OR1J2: variants seen among roughly 807,000 people sequenced by gnomAD.
OR1J2 encodes the protein olfactory receptor 1J2.
For missense variants in OR1J2, 304 were observed against 246.1 expected, an observed-to-expected ratio of 1.24 and a Z score of -1.57; for synonymous variants, 142 against 99.7, an observed-to-expected ratio of 1.42 and a Z score of -2.52.
At chr9:122,470,133 T>C in the OR1J2 span, among the ~76,000 whole-genome samples, 1 of 152,176 alleles carries the variant, frequency 6.6e-6, no homozygotes, top group African/African-American at 2.4e-5. Context: ...GGGAAGTGTC[T>C]CCAGGGCATG....
the OR1J2 span, among the ~76,000 whole-genome samples, chr9:122,529,062 A>G: frequency 6.6e-6 from 1 of 152,242 alleles, no homozygotes; most frequent in African/African-American, 2.4e-5. Flanking sequence ...GTGGATAGCA[A>G]CATCTGAGAA....
chr9:122,497,283 C>G, the OR1J2 span, among the ~76,000 whole-genome samples: 302 of 152,172 alleles, frequency 2.0e-3, 1 homozygote, highest in Non-Finnish European at 3.2e-3. Flanking sequence ...TGAGTCCCCA[C>G]GTGCTTCTCT....
chr9:122,499,392 A>G, the OR1J2 span, among the ~76,000 whole-genome samples: 1 of 152,218 alleles, frequency 6.6e-6, no homozygotes, highest in Non-Finnish European at 1.5e-5. Flanking sequence ...CCCTAAACCA[A>G]TATCTCTGCA....
chr9:122,474,480 C>T, the OR1J2 span, among the ~76,000 whole-genome samples: 1 of 152,162 alleles, frequency 6.6e-6, no homozygotes, highest in Admixed American at 6.5e-5. Flanking sequence ...ACAATTCAAA[C>T]CTGGCTACAG....
chr9:122,519,387 T>C, the OR1J2 span: 3 of 1,614,202 alleles, frequency 1.9e-6, no homozygotes, highest in Admixed American at 3.3e-5. Context: ...AAAGATGTTA[T>C]TAAGCATGCA....
At chr9:122,517,578 G>A in the OR1J2 span, among the ~76,000 whole-genome samples, 30 of 151,438 alleles carry the variant, frequency 2.0e-4, no homozygotes, top group Non-Finnish European at 3.8e-4. Context: ...CTTAGTATAC[G>A]TTGGTATATA....
chr9:122,527,057 C>G, the OR1J2 span: 1 of 1,614,192 alleles, frequency 6.2e-7, no homozygotes, highest in Non-Finnish European at 8.5e-7. Flanking sequence ...TATTCACCAG[C>G]ATCTTGGTAA....
chr9:122,466,377 A>T, the OR1J2 span, among the ~76,000 whole-genome samples: 14 of 152,314 alleles, frequency 9.2e-5, no homozygotes, highest in South Asian at 2.1e-3. Context: ...AAAATTCTGG[A>T]TTACCTATGG....
chr9:122,567,238 AAGG>A, the OR1J2 span: 4 of 228,370 alleles, frequency 1.8e-5, no homozygotes, highest in Non-Finnish European at 2.5e-5. Context: ...GCCTTAATAA[AAGG>A]AGAGAAATTT....
chr9:122,527,384 G>C, the OR1J2 span: 3 of 702,462 alleles, frequency 4.3e-6, no homozygotes, highest in Non-Finnish European at 4.8e-6. Flanking sequence ...CTCCCTTTAA[G>C]TTCATTATAT....
At chr9:122,575,140 A>T in the OR1J2 span, among the ~76,000 whole-genome samples, 1 of 152,044 alleles carries the variant, frequency 6.6e-6, no homozygotes, top group Non-Finnish European at 1.5e-5. Flanking sequence ...TTTATGAGAG[A>T]TACAGGTTTA....
downstream of OR1J2, among the ~76,000 whole-genome samples, chr9:122,516,022 G>A (rs917154443): frequency 3.9e-5 from 6 of 152,060 alleles, no homozygotes; most frequent in Non-Finnish European, 7.4e-5. Flanking sequence ...TGGATGAGGT[G>A]TTTTTATAGA....
At chr9:122,471,147 G>T in the OR1J2 span, among the ~76,000 whole-genome samples, 1 of 152,110 alleles carries the variant, frequency 6.6e-6, no homozygotes, top group African/African-American at 2.4e-5. Context: ...ATATGGTTTG[G>T]CTCTGTGTCC....
the OR1J2 span, among the ~76,000 whole-genome samples, chr9:122,493,296 T>A: frequency 6.6e-6 from 1 of 152,136 alleles, no homozygotes; most frequent in East Asian, 1.9e-4. Context: ...CTTCTTTGAA[T>A]GTCTGATAGA....
chr9:122,553,844 T>C, the OR1J2 span: 3 of 1,613,984 alleles, frequency 1.9e-6, no homozygotes, highest in African/African-American at 1.3e-5. Flanking sequence ...TGTTCCTCAC[T>C]GTTCCCCTCC....
chr9:122,460,165 ATGTGTG>A, the OR1J2 span, among the ~76,000 whole-genome samples: 8 of 117,120 alleles, frequency 6.8e-5, no homozygotes, highest in East Asian at 2.5e-4. Flanking sequence ...TGGTATGTAT[ATGTGTG>A]TGTGTGTGTG....
upstream of OR1J2, among the ~76,000 whole-genome samples, chr9:122,508,332 T>C (rs748535508): frequency 7.9e-5 from 12 of 152,124 alleles, no homozygotes; most frequent in Non-Finnish European, 1.3e-4. Flanking sequence ...AGGAGTTAGG[T>C]TGAGGTCTAT....
chr9:122,540,707 A>G, the OR1J2 span, among the ~76,000 whole-genome samples: 1 of 152,200 alleles, frequency 6.6e-6, no homozygotes, highest in Non-Finnish European at 1.5e-5. Flanking sequence ...TACCTTGGGC[A>G]GTATGGCCAT....
the OR1J2 span, among the ~76,000 whole-genome samples, chr9:122,563,004 G>C: frequency 6.6e-6 from 1 of 151,978 alleles, no homozygotes; most frequent in Non-Finnish European, 1.5e-5. Context: ...ACTCTTTGAC[G>C]TACTTATTTC....
Sources: allele counts gnomAD v4.1 joint callset (sites outside exome capture counted in the v4.1 genomes callset), GRCh38; gene constraint gnomAD v4.1.1; transcripts MANE v1.5; gene names NCBI Gene and HGNC (gene_info 2026-07-23, HGNC 2026-07-21).